The following RABGAP1L variants were observed in gnomAD, a reference collection of about 807,000 sequenced individuals.
RABGAP1L encodes the protein RAB GTPase activating protein 1 like.
RABGAP1L carries 63 observed loss-of-function variants against 137.7 expected under a neutral mutation model. The ratio of observed to expected loss-of-function variants is 0.46; its 90% CI spans 0.37 to 0.56. The LOEUF is 0.56. Among genes scored for constraint, RABGAP1L ranks in the 20% least tolerant of loss-of-function variants. The pLI is 0.00. For synonymous variants in RABGAP1L, 431 were observed against 433.7 expected (o/e 0.99, Z 0.08); for missense variants, 1,095 against 1,244.0 (o/e 0.88, Z 1.80).
rs1455727923 is a variant in RABGAP1L at position 174,611,423 on chromosome 1, T to G, written c.1711-25952T>G. Reference sequence around the variant, plus strand: ...CTGTTCCATTGGTCTATATCTCTCTTTTGGTACCACTACCATGCTGTTTTG... The same window carrying G: ...CTGTTCCATTGGTCTATATCTCTCTGTTGGTACCACTACCATGCTGTTTTG... On this transcript the variant is annotated intron_variant, in intron 13 of 25. Transcript: ENST00000681986. Among the ~76,000 whole-genome samples, 8 of 151,968 alleles carry G rather than the reference T, an allele frequency of 5.3e-5. No homozygotes were observed. In the East Asian group the frequency reaches 1.4e-3, roughly 26 times the overall value.
At chr1:174,355,957 A>C (rs902651021) in intron 11 of RABGAP1L, among the ~76,000 whole-genome samples, 25 of 152,286 alleles carry the variant, frequency 1.6e-4, no homozygotes, top group African/African-American at 5.1e-4. Context: ...TGTTAGCTTT[A>C]ATGGTTTACA....
intron 13 of RABGAP1L, among the ~76,000 whole-genome samples, chr1:174,492,019 A>G (rs1660285168): frequency 6.6e-6 from 1 of 152,070 alleles, no homozygotes; most frequent in Non-Finnish European, 1.5e-5. Flanking sequence ...TCTTTCTGTA[A>G]TATTCAGTTA....
At chr1:174,207,722 A>G (rs1188056051) in intron 1 of RABGAP1L, among the ~76,000 whole-genome samples, 2 of 152,214 alleles carry the variant, frequency 1.3e-5, no homozygotes. Flanking sequence ...GTCCCTGCCC[A>G]TGTGCAGATA....
intron 13 of RABGAP1L, among the ~76,000 whole-genome samples, chr1:174,445,466 A>G (rs1041199468): frequency 4.6e-5 from 7 of 152,104 alleles, no homozygotes; most frequent in African/African-American, 1.7e-4. Flanking sequence ...TTGAGATCAT[A>G]TTTGACCTTC....
At chr1:174,203,119 A>G (rs549180060) in intron 1 of RABGAP1L, among the ~76,000 whole-genome samples, 26 of 152,316 alleles carry the variant, frequency 1.7e-4, no homozygotes, top group African/African-American at 6.0e-4. Context: ...GTTGTCTTAC[A>G]GGATTTTTAT....
intron 11 of RABGAP1L, among the ~76,000 whole-genome samples, chr1:174,362,890 G>A (rs963356269): frequency 2.0e-5 from 3 of 152,130 alleles, no homozygotes; most frequent in Non-Finnish European, 2.9e-5. Flanking sequence ...GTATTGCTGA[G>A]GTTGTTTTCA....
chr1:174,202,191 G>GTA (rs1471359514), intron 1 of RABGAP1L, among the ~76,000 whole-genome samples: 1 of 151,920 alleles, frequency 6.6e-6, no homozygotes, highest in African/African-American at 2.4e-5. Context: ...GGGTCAAATG[G>GTA]TATTTCTAGT....
chr1:174,951,473 A>G (rs1558273449), intron 19 of RABGAP1L, among the ~76,000 whole-genome samples: 1 of 152,234 alleles, frequency 6.6e-6, no homozygotes, highest in Non-Finnish European at 1.5e-5. Flanking sequence ...ACTTGAAGGA[A>G]TTACATACTT....
chr1:174,873,230 G>A (rs1284447562), intron 19 of RABGAP1L, among the ~76,000 whole-genome samples: 1 of 151,790 alleles, frequency 6.6e-6, no homozygotes, highest in East Asian at 1.9e-4. Context: ...CACCATGCCC[G>A]GCTAATTTTT....
chr1:174,892,723 G>GTTT, intron 19 of RABGAP1L: 1 of 407,940 alleles, frequency 2.5e-6, no homozygotes, highest in Non-Finnish European at 4.7e-6. Flanking sequence ...TCATTTCTTT[G>GTTT]TTTTCTTTCT....
rs1479574750 is a variant in RABGAP1L at position 174,990,580 on chromosome 1, G to A, written c.*579G>A. The A allele has an allele frequency of 2.6e-5, 4 of 152,146 alleles. No individual in the cohort carries two copies. The highest frequency in any genetic ancestry group is 7.2e-5 in the African/African-American group (3 of 41,420). The allele number at this position is 152,146 out of a possible 1,614,324, so 9.4% of individuals were successfully genotyped here. On this transcript the variant is annotated 3_prime_UTR_variant, in exon 26 of 26. Coordinates refer to ENST00000681986, the MANE Select transcript of RABGAP1L (RefSeq NM_001366446.1). ...ATTGGTTTACTTTCATTTTCTGTTCGGTACATCTGGAAATGAAGTGCCAGG... is the reference window on the plus strand; with the variant it reads ...ATTGGTTTACTTTCATTTTCTGTTCAGTACATCTGGAAATGAAGTGCCAGG...
At chr1:174,971,398 T>C (rs1483544033) in intron 21 of RABGAP1L, among the ~76,000 whole-genome samples, 1 of 152,044 alleles carries the variant, frequency 6.6e-6, no homozygotes, top group African/African-American at 2.4e-5. Context: ...CCTGAAGTAA[T>C]TGATTATTGA....
At chr1:174,596,838 T>G (rs1442507221) in intron 13 of RABGAP1L, among the ~76,000 whole-genome samples, 1 of 152,188 alleles carries the variant, frequency 6.6e-6, no homozygotes, top group African/African-American at 2.4e-5. Flanking sequence ...TATGTAGATG[T>G]GGTTCTTTTC....
intron 1 of RABGAP1L, among the ~76,000 whole-genome samples, chr1:174,187,484 G>A (rs1666894187): frequency 6.6e-6 from 1 of 151,914 alleles, no homozygotes. Context: ...GGCACTGTGG[G>A]GGGCATTACT....
intron 17 of RABGAP1L, among the ~76,000 whole-genome samples, chr1:174,744,090 T>TA (rs10694829): frequency 0.42 from 18,910 of 45,142 alleles, 6,186 homozygotes; most frequent in Non-Finnish European, 0.53. Flanking sequence ...GTGAAATACG[T>TA]AAAAAAAAAA....
At chr1:174,272,286 G>T in intron 7 of RABGAP1L, 128 bp from the exon 8 acceptor site, 1 of 892,412 alleles carries the variant, frequency 1.1e-6, no homozygotes. Flanking sequence ...GGTGTTTTTA[G>T]AAAAAAAACT....
At chr1:174,344,241 C>A (rs1006367468) in intron 11 of RABGAP1L, among the ~76,000 whole-genome samples, 1 of 152,142 alleles carries the variant, frequency 6.6e-6, no homozygotes, top group Admixed American at 6.5e-5. Context: ...GGAGAATGCT[C>A]TCTGTAATGA....
At chr1:174,203,916 T>C (rs1444634668) in intron 1 of RABGAP1L, among the ~76,000 whole-genome samples, 1 of 151,400 alleles carries the variant, frequency 6.6e-6, no homozygotes, top group Non-Finnish European at 1.5e-5. Flanking sequence ...TGTATAGGAA[T>C]GCTAGTGATT....
intron 11 of RABGAP1L, among the ~76,000 whole-genome samples, chr1:174,338,436 C>T (rs930570001): frequency 2.0e-5 from 3 of 152,002 alleles, no homozygotes; most frequent in African/African-American, 7.2e-5. Flanking sequence ...GAGTAATTGA[C>T]CTTTGACAAA....
Sources: gnomAD v4.1 joint callset for allele counts (sites outside exome capture counted in the v4.1 genomes callset) on GRCh38, gnomAD v4.1.1 for gene constraint, MANE v1.5 for transcripts, NCBI Gene and HGNC (gene_info 2026-07-23, HGNC 2026-07-21) for gene names.